Variants in TAF4 observed in about 807,000 individuals in gnomAD.
The protein encoded by TAF4 is transcription initiation factor TFIID subunit 4.
In TAF4, 9 loss-of-function variants were observed where a neutral mutation model predicts 90.3. That is an observed-to-expected ratio of 0.10 (90% CI 0.06 to 0.17). The LOEUF is 0.17. Among genes scored for constraint, TAF4 ranks in the 10% least tolerant of loss-of-function variants. TAF4 has a pLI of 1.00. For synonymous variants in TAF4, 818 were observed against 638.9 expected (o/e 1.28, Z -4.23); for missense variants, 1,351 against 1,370.7 (o/e 0.99, Z 0.23).
intron 1 of TAF4, among the ~76,000 whole-genome samples, chr20:62,060,525 G>C (rs544997407): frequency 6.6e-6 from 1 of 152,248 alleles, no homozygotes; most frequent in Non-Finnish European, 1.5e-5. Flanking sequence ...GAAGGCGATG[G>C]TGACGACCCC....
At chr20:62,041,129 G>A (rs1282914344) in intron 1 of TAF4, among the ~76,000 whole-genome samples, 3 of 152,198 alleles carry the variant, frequency 2.0e-5, no homozygotes, top group African/African-American at 7.2e-5. Context: ...CCACACCGAC[G>A]GCGAGAGGCG....
At chr20:62,048,902 T>C (rs1600861158) in intron 1 of TAF4, among the ~76,000 whole-genome samples, 1 of 31,366 alleles carries the variant, frequency 3.2e-5, no homozygotes, top group East Asian at 1.0e-3. Flanking sequence ...GCCCTCTCCC[T>C]GCATGCCCAC....
At position 62,033,606 on chromosome 20, in the gene TAF4, G is replaced by A. The variant is rs536996497; in HGVS notation, c.1361-18899C>T. ...ACAAAAATTAGCCAGGCATAGTGGCGCATGCCTATAATCCCAGCTACTCGG... is the reference window on the plus strand; with the variant it reads ...ACAAAAATTAGCCAGGCATAGTGGCACATGCCTATAATCCCAGCTACTCGG... On this transcript the variant is annotated intron_variant, in intron 1 of 14. Transcript: ENST00000252996. Among the ~76,000 whole-genome samples, 38 of 152,114 alleles carry A rather than the reference G, an allele frequency of 2.5e-4. 1 individual carries two copies. The South Asian group carries it at 6.8e-3, about 27-fold the overall frequency.
At chr20:62,009,031 T>G in intron 5 of TAF4, 21 bp downstream of exon 5, 2 of 1,607,698 alleles carry the variant, frequency 1.2e-6, no homozygotes, top group Non-Finnish European at 1.7e-6. Context: ...GGAAAGGGAA[T>G]GTAAAGTCAA....
intron 1 of TAF4, among the ~76,000 whole-genome samples, chr20:62,054,749 G>A (rs962293991): frequency 6.6e-6 from 1 of 152,072 alleles, no homozygotes; most frequent in Non-Finnish European, 1.5e-5. Context: ...GCCGGCACCT[G>A]CAGGGCAGCC....
chr20:62,000,332 C>G (rs549803447), intron 10 of TAF4, 78 bp from the exon 11 acceptor site: 269 of 1,556,918 alleles, frequency 1.7e-4, no homozygotes, highest in Non-Finnish European at 1.8e-4. Context: ...TCTGATCCAG[C>G]AGTTACTGCT....
intron 1 of TAF4, among the ~76,000 whole-genome samples, chr20:62,040,152 C>G (rs907687147): frequency 6.6e-6 from 1 of 152,204 alleles, no homozygotes; most frequent in African/African-American, 2.4e-5. Context: ...AACTTATGTT[C>G]ATATAAAGAT....
At chr20:62,026,593 G>A (rs2055875808) in intron 1 of TAF4, among the ~76,000 whole-genome samples, 1 of 152,172 alleles carries the variant, frequency 6.6e-6, no homozygotes, top group South Asian at 2.1e-4. Context: ...TCTCCACAAA[G>A]CCGCAGGTGG....
chr20:62,017,833 CAAAAAAAAAGA>C (rs1372447731), intron 1 of TAF4, among the ~76,000 whole-genome samples: 1 of 121,678 alleles, frequency 8.2e-6, no homozygotes, highest in Non-Finnish European at 1.7e-5. Context: ...GAGTCCACCT[CAAAAAAAAAGA>C]AAAAAAAAAG....
chr20:61,988,169 T>C (rs995154608), intron 14 of TAF4, among the ~76,000 whole-genome samples: 17 of 152,062 alleles, frequency 1.1e-4, no homozygotes, highest in African/African-American at 3.9e-4. Context: ...ACCCACAGAA[T>C]GTACACACCA....
intron 1 of TAF4, among the ~76,000 whole-genome samples, chr20:62,019,794 C>T (rs2055832221): frequency 6.6e-6 from 1 of 152,240 alleles, no homozygotes; most frequent in African/African-American, 2.4e-5. Flanking sequence ...TTCCTGATTC[C>T]TTTTGTAGGT....
At chr20:62,031,443 A>C (rs1321570941) in intron 1 of TAF4, among the ~76,000 whole-genome samples, 2 of 152,334 alleles carry the variant, frequency 1.3e-5, no homozygotes, top group East Asian at 1.9e-4. Flanking sequence ...CCAAGACTCT[A>C]AAAATCCTGC....
chr20:62,043,327 A>G (rs1490815531), intron 1 of TAF4, among the ~76,000 whole-genome samples: 1 of 152,192 alleles, frequency 6.6e-6, no homozygotes, highest in Non-Finnish European at 1.5e-5. Flanking sequence ...GGATACAAAG[A>G]AAGTATTTTT....
intron 1 of TAF4, among the ~76,000 whole-genome samples, chr20:62,053,668 T>G (rs2145516261): frequency 6.6e-6 from 1 of 152,344 alleles, no homozygotes; most frequent in East Asian, 1.9e-4. Context: ...GAACGTTTGT[T>G]GACCAACCAA....
Position 61,976,036 on chromosome 20 carries a change from C to G in TAF4, c.*132G>C. ...ACGTGTTTTCTTTCACACTGAAGAG[C>G]TGATTTAGAAACAGGAATATAAAAC... On this transcript the variant is annotated 3_prime_UTR_variant, in exon 15 of 15. Transcript: ENST00000252996. 1.0e-6 allele frequency: 1 copy of G among 959,244 alleles called. No individual in the cohort carries two copies. The highest frequency in any genetic ancestry group is 1.6e-5 in the South Asian group (1 of 60,890). The allele number at this position is 959,244 out of a possible 1,614,324, so 59.4% of individuals were successfully genotyped here. A position where few individuals can be genotyped will look rare whatever the true frequency, so the allele number is the denominator to read the frequency against.
intron 1 of TAF4, among the ~76,000 whole-genome samples, chr20:62,027,411 A>G (rs6142924): frequency 0.099 from 15,011 of 152,076 alleles, 1,197 homozygotes; most frequent in East Asian, 0.44. Context: ...CTGTTTTGTG[A>G]TTTAGTCATT....
chr20:62,029,736 C>T (rs1010524618), intron 1 of TAF4, among the ~76,000 whole-genome samples: 1 of 152,070 alleles, frequency 6.6e-6, no homozygotes, highest in African/African-American at 2.4e-5. Flanking sequence ...CGAAACCCCG[C>T]CTCTACTAAA....
At chr20:61,994,798 G>A (rs1049216817) in intron 14 of TAF4, among the ~76,000 whole-genome samples, 5 of 152,210 alleles carry the variant, frequency 3.3e-5, no homozygotes, top group African/African-American at 1.2e-4. Context: ...TCAGACAGCA[G>A]CTGCCACGGG....
intron 14 of TAF4, among the ~76,000 whole-genome samples, chr20:61,993,179 A>T (rs1239116662): frequency 6.6e-6 from 1 of 152,218 alleles, no homozygotes; most frequent in African/African-American, 2.4e-5. Context: ...GAGCACCGCC[A>T]TCTCCAACCT....
Sources: gnomAD v4.1 joint callset for allele counts (sites outside exome capture counted in the v4.1 genomes callset) on GRCh38, gnomAD v4.1.1 for gene constraint, MANE v1.5 for transcripts, NCBI Gene and HGNC (gene_info 2026-07-23, HGNC 2026-07-21) for gene names.